Variants in DCLK1 observed in about 807,000 individuals in gnomAD.
DCLK1 encodes the protein serine/threonine-protein kinase DCLK1.
In DCLK1, 16 loss-of-function variants were observed where a neutral mutation model predicts 86.2. The observed-to-expected ratio is 0.19, with a 90% CI of 0.13 to 0.28. The LOEUF is 0.28. Among genes scored for constraint, DCLK1 ranks in the 10% least tolerant of loss-of-function variants. The probability of loss-of-function intolerance (pLI) is 1.00; values close to 1 mark genes in which losing one functional copy is unlikely to be tolerated. For missense variants in DCLK1, 590 were observed against 940.2 expected (o/e 0.63, Z 4.87); for synonymous variants, 369 against 370.5 (o/e 1.00, Z 0.05).
intron 3 of DCLK1, among the ~76,000 whole-genome samples, chr13:36,006,655 T>C (rs1347456870): frequency 6.6e-6 from 1 of 152,128 alleles, no homozygotes; most frequent in East Asian, 1.9e-4. Context: ...AATTACTTCA[T>C]TTTGTTGTCT....
chr13:36,024,638 G>A (rs1881957434), intron 3 of DCLK1, among the ~76,000 whole-genome samples: 1 of 152,116 alleles, frequency 6.6e-6, no homozygotes, highest in Admixed American at 6.5e-5. Context: ...ATGTAATACT[G>A]TTAGGATGGC....
intron 5 of DCLK1, among the ~76,000 whole-genome samples, chr13:35,862,032 CAAAAA>C (rs36091477): frequency 5.6e-5 from 4 of 71,128 alleles, no homozygotes; most frequent in South Asian, 7.2e-4. Context: ...GACTCCGTCT[CAAAAA>C]AAAAAAAAAA....
At chr13:36,005,233 A>G (rs544103187) in intron 3 of DCLK1, among the ~76,000 whole-genome samples, 1 of 152,348 alleles carries the variant, frequency 6.6e-6, no homozygotes, top group Admixed American at 6.5e-5. Context: ...TTATAATTTA[A>G]AAGTGCTTGT....
chr13:36,034,946 C>T (rs931958339), intron 3 of DCLK1, among the ~76,000 whole-genome samples: 2 of 152,112 alleles, frequency 1.3e-5, no homozygotes, highest in Admixed American at 6.6e-5. Context: ...CTTAGGTAGG[C>T]GGAAAGGTCA....
At chr13:35,918,890 G>GTTTTTTTTTTTTTTTTTTTTTTTTT (rs532112697) in intron 4 of DCLK1, among the ~76,000 whole-genome samples, 1 of 14,228 alleles carries the variant, frequency 7.0e-5, no homozygotes, top group South Asian at 1.5e-3. Flanking sequence ...CCTTCTGAGT[G>GTTTTTTTTTTTTTTTTTTTTTTTTT]TGTTTTTTTT....
intron 3 of DCLK1, among the ~76,000 whole-genome samples, chr13:36,062,593 C>G (rs1319097699): frequency 1.3e-5 from 2 of 152,118 alleles, no homozygotes; most frequent in African/African-American, 4.8e-5. Flanking sequence ...CATCTTGCAG[C>G]AGAGCTTTTG....
intron 3 of DCLK1, among the ~76,000 whole-genome samples, chr13:36,045,364 A>ATCTATATC (rs1566658738): frequency 2.3e-5 from 3 of 130,222 alleles, no homozygotes; most frequent in Non-Finnish European, 4.9e-5. Context: ...ATATATATAT[A>ATCTATATC]TATATATATA....
At chr13:35,845,962 A>G in intron 6 of DCLK1, 1 of 985,350 alleles carries the variant, frequency 1.0e-6, no homozygotes, top group Non-Finnish European at 1.2e-6. Flanking sequence ...AGTTAACTTC[A>G]AGAGGAATAA....
chr13:35,867,736 G>T (rs1871895043), intron 5 of DCLK1, among the ~76,000 whole-genome samples: 2 of 151,778 alleles, frequency 1.3e-5, no homozygotes, highest in African/African-American at 4.8e-5. Context: ...ATTATAAAAT[G>T]AAATTATTGC....
chr13:35,906,820 C>T (rs1874714059), intron 4 of DCLK1, among the ~76,000 whole-genome samples: 1 of 152,106 alleles, frequency 6.6e-6, no homozygotes, highest in African/African-American at 2.4e-5. Flanking sequence ...TCACAGAGAC[C>T]TAAATTGGGA....
At chr13:36,095,360 C>G (rs1884974875) in intron 3 of DCLK1, among the ~76,000 whole-genome samples, 1 of 151,960 alleles carries the variant, frequency 6.6e-6, no homozygotes. Context: ...CATGTGTTAC[C>G]ACATCCAGCT....
chr13:35,865,307 T>A (rs1871712933), intron 5 of DCLK1, among the ~76,000 whole-genome samples: 1 of 152,158 alleles, frequency 6.6e-6, no homozygotes, highest in Admixed American at 6.5e-5. Context: ...GTGTTCCAAA[T>A]ATATACACAT....
At chr13:35,852,887 A>G (rs776907630) in intron 6 of DCLK1, among the ~76,000 whole-genome samples, 2 of 152,218 alleles carry the variant, frequency 1.3e-5, no homozygotes, top group Non-Finnish European at 2.9e-5. Context: ...AACGACACCA[A>G]TAAATCTTTA....
intron 3 of DCLK1, among the ~76,000 whole-genome samples, chr13:36,107,492 G>GT (rs970937625): frequency 1.3e-5 from 2 of 151,828 alleles, no homozygotes; most frequent in Admixed American, 6.6e-5. Context: ...ACATCTCTGG[G>GT]TTTTTTTCTC....
chr13:35,972,812 C>T (rs1879137320), intron 3 of DCLK1, among the ~76,000 whole-genome samples: 1 of 152,152 alleles, frequency 6.6e-6, no homozygotes, highest in Admixed American at 6.5e-5. Context: ...CTCAAGCACA[C>T]CCTGTATCCT....
At chr13:35,890,543 C>T (rs1488124416) in intron 4 of DCLK1, among the ~76,000 whole-genome samples, 1 of 152,076 alleles carries the variant, frequency 6.6e-6, no homozygotes, top group Non-Finnish European at 1.5e-5. Context: ...AAATAAACTG[C>T]AGTAAACCTT....
rs576665599 is a variant in DCLK1, at chr13:35,919,173, T to A, written c.823+28185A>T. On this transcript the variant is annotated intron_variant, in intron 4 of 16. Transcript: ENST00000360631. ...TCCCAAAGTGCTGGGATTACAGCCATCAGCCACCACACTCGGCCCCCAAGA... is the reference window on the plus strand; with the variant it reads ...TCCCAAAGTGCTGGGATTACAGCCAACAGCCACCACACTCGGCCCCCAAGA... Among the ~76,000 whole-genome samples the A allele has an allele frequency of 3.9e-5, 6 of 152,234 alleles. No homozygotes were observed. In the East Asian group the frequency reaches 1.2e-3, roughly 29 times the overall value.
chr13:35,860,628 T>G (rs950192168), intron 5 of DCLK1, among the ~76,000 whole-genome samples: 1 of 152,152 alleles, frequency 6.6e-6, no homozygotes, highest in African/African-American at 2.4e-5. Context: ...CTCAGGAAAT[T>G]TAGGCAACAG....
At chr13:35,943,537 G>A (rs1417141633) in intron 4 of DCLK1, among the ~76,000 whole-genome samples, 1 of 152,162 alleles carries the variant, frequency 6.6e-6, no homozygotes, top group African/African-American at 2.4e-5. Flanking sequence ...AGAATAATCT[G>A]AGAAAAGATG....
Sources: allele counts gnomAD v4.1 joint callset (sites outside exome capture counted in the v4.1 genomes callset), GRCh38; gene constraint gnomAD v4.1.1; transcripts MANE v1.5; gene names NCBI Gene and HGNC (gene_info 2026-07-23, HGNC 2026-07-21).